The following COMMD10 variants were observed in gnomAD, a reference collection of about 807,000 sequenced individuals.
The protein encoded by COMMD10 is COMM domain-containing protein 10.
COMMD10 carries 33 observed loss-of-function variants against 28.9 expected under a neutral mutation model. The ratio of observed to expected loss-of-function variants is 1.14; its 90% CI spans 0.87 to 1.53. The LOEUF (loss-of-function observed/expected upper bound fraction) is 1.53, where lower values mean the gene tolerates loss of function less well. COMMD10 is among the 40% of genes most tolerant of loss of function. COMMD10 has a pLI of 0.00. For missense variants in COMMD10, 310 were observed against 233.4 expected (o/e 1.33, Z -2.14); for synonymous variants, 110 against 81.7 (o/e 1.35, Z -1.87).
At chr5:116,224,728 T>C (rs1430899364) in intron 5 of COMMD10, among the ~76,000 whole-genome samples, 1 of 152,096 alleles carries the variant, frequency 6.6e-6, no homozygotes, top group Non-Finnish European at 1.5e-5. Flanking sequence ...TATTTCAACA[T>C]GAGGTTTGGA....
At chr5:116,107,755 G>A (rs1242605782) in intron 4 of COMMD10, among the ~76,000 whole-genome samples, 1 of 148,046 alleles carries the variant, frequency 6.8e-6, no homozygotes, top group East Asian at 2.0e-4. Flanking sequence ...TGGAGGAGAA[G>A]AGCTGTTCTG....
At chr5:116,186,926 T>A (rs1748156872) in intron 5 of COMMD10, among the ~76,000 whole-genome samples, 1 of 152,204 alleles carries the variant, frequency 6.6e-6, no homozygotes, top group Non-Finnish European at 1.5e-5. Flanking sequence ...TTTTCCATTA[T>A]TGTCCTCTCC....
chr5:116,125,482 A>AT (rs1475970808), intron 4 of COMMD10, among the ~76,000 whole-genome samples: 10 of 151,694 alleles, frequency 6.6e-5, no homozygotes, highest in Non-Finnish European at 1.3e-4. Flanking sequence ...TGCCCTTAAC[A>AT]TTTTTTCCTT....
At chr5:116,122,942 C>G (rs918405759) in intron 4 of COMMD10, among the ~76,000 whole-genome samples, 1 of 152,040 alleles carries the variant, frequency 6.6e-6, no homozygotes, top group Non-Finnish European at 1.5e-5. Flanking sequence ...GTTTGACTTC[C>G]TCTTTTCCTA....
chr5:116,244,621 A>C (rs529695769), intron 5 of COMMD10, among the ~76,000 whole-genome samples: 211 of 149,796 alleles, frequency 1.4e-3, no homozygotes, highest in Middle Eastern at 3.4e-3. Context: ...AGATGCTACT[A>C]TACCATTACC....
At chr5:116,128,438 A>T (rs1020898502) in intron 4 of COMMD10, among the ~76,000 whole-genome samples, 2 of 152,054 alleles carry the variant, frequency 1.3e-5, no homozygotes, top group African/African-American at 4.8e-5. Context: ...TTTAAATTTG[A>T]ATATGAAATA....
At position 116,292,596 on chromosome 5, in the gene COMMD10, T is replaced by G. The variant is rs1473824998; in HGVS notation, c.*107T>G. On this transcript the variant is annotated 3_prime_UTR_variant, in exon 7 of 7. Coordinates refer to ENST00000274458, the MANE Select transcript of COMMD10 (RefSeq NM_016144.4). The stretch of plus-strand genomic sequence containing the variant: ...CTGAAGGATTCAGTGACTTGCTTTC[T>G]GTAAATTATATGGCTTATCACTTCT... 2 of 854,828 alleles carry G rather than the reference T, an allele frequency of 2.3e-6. No individual in the cohort carries two copies. The highest frequency in any genetic ancestry group is 5.1e-5 in the East Asian group (2 of 39,002). 53.0% of individuals were successfully genotyped at this position (854,828 alleles called of 1,614,324 possible). A position where few individuals can be genotyped will look rare whatever the true frequency, so the allele number is the denominator to read the frequency against.
chr5:116,217,762 A>C (rs907559712), intron 5 of COMMD10, among the ~76,000 whole-genome samples: 6 of 152,138 alleles, frequency 3.9e-5, no homozygotes, highest in Non-Finnish European at 8.8e-5. Context: ...AAGTCGCGGA[A>C]TCCCTCCTGG....
At chr5:116,119,371 A>G (rs189695411) in intron 4 of COMMD10, among the ~76,000 whole-genome samples, 30 of 152,294 alleles carry the variant, frequency 2.0e-4, no homozygotes, top group African/African-American at 7.0e-4. Context: ...AGCCAAATTA[A>G]AAGTACAGAG....
intron 5 of COMMD10, among the ~76,000 whole-genome samples, chr5:116,169,922 C>T (rs1580514987): frequency 6.6e-6 from 1 of 152,050 alleles, no homozygotes; most frequent in Non-Finnish European, 1.5e-5. Flanking sequence ...TCTTTGAAAA[C>T]CGGCAGAAGA....
intron 5 of COMMD10, among the ~76,000 whole-genome samples, chr5:116,282,239 T>A (rs1751089438): frequency 6.6e-6 from 1 of 151,870 alleles, no homozygotes; most frequent in African/African-American, 2.4e-5. Flanking sequence ...AAGTCTGTCA[T>A]CAAGTGCTGT....
chr5:116,219,357 A>G (rs1219164094), intron 5 of COMMD10, among the ~76,000 whole-genome samples: 1 of 152,160 alleles, frequency 6.6e-6, no homozygotes, highest in African/African-American at 2.4e-5. Context: ...AGCTCCTCAC[A>G]GATAGAAACT....
At chr5:116,136,569 A>G (rs1424347307) in intron 5 of COMMD10, among the ~76,000 whole-genome samples, 2 of 152,210 alleles carry the variant, frequency 1.3e-5, no homozygotes, top group African/African-American at 2.4e-5. Flanking sequence ...TCTTCAAAGT[A>G]TGCCTATGTG....
In COMMD10 at chr5:116,148,924, A is replaced by G. The variant is rs1752425969; in HGVS notation, c.510+14746A>G. Among the ~76,000 whole-genome samples, 4 of 151,800 alleles carry G rather than the reference A, an allele frequency of 2.6e-5. No individual in the cohort carries two copies. In the South Asian group the frequency reaches 8.3e-4, roughly 32 times the overall value. ...GCGCAGGTTAGTTACATATGTATAC[A>G]TGTGCCATGCTGATGTGTTGCACCC... On this transcript the variant is annotated intron_variant, in intron 5 of 6. Transcript: ENST00000274458.
intron 5 of COMMD10, among the ~76,000 whole-genome samples, chr5:116,250,987 G>A (rs1249781430): frequency 6.6e-6 from 1 of 151,950 alleles, no homozygotes; most frequent in East Asian, 1.9e-4. Context: ...GGGGGGTGCA[G>A]TTTTCCTACC....
chr5:116,134,823 G>A (rs1040367272), intron 5 of COMMD10, among the ~76,000 whole-genome samples: 23 of 152,078 alleles, frequency 1.5e-4, no homozygotes, highest in Admixed American at 3.9e-4. Context: ...GGGTTTCACC[G>A]TGTTAGCCAG....
chr5:116,123,193 A>G (rs971243312), intron 4 of COMMD10, among the ~76,000 whole-genome samples: 5 of 152,106 alleles, frequency 3.3e-5, no homozygotes, highest in African/African-American at 1.2e-4. Flanking sequence ...GTTTATTCCA[A>G]CAAAAGCCAA....
intron 5 of COMMD10, among the ~76,000 whole-genome samples, chr5:116,244,385 T>C (rs774243341): frequency 1.6e-4 from 24 of 152,120 alleles, no homozygotes; most frequent in Admixed American, 2.6e-4. Flanking sequence ...CTTAATTCAG[T>C]AGGTATTTAT....
chr5:116,156,284 A>G (rs559224092), intron 5 of COMMD10, among the ~76,000 whole-genome samples: 1 of 152,282 alleles, frequency 6.6e-6, no homozygotes, highest in African/African-American at 2.4e-5. Flanking sequence ...ACACTTAGGA[A>G]GTTGCTAGAG....
Sources: gnomAD v4.1 joint callset for allele counts (sites outside exome capture counted in the v4.1 genomes callset) on GRCh38, gnomAD v4.1.1 for gene constraint, MANE v1.5 for transcripts, NCBI Gene and HGNC (gene_info 2026-07-23, HGNC 2026-07-21) for gene names.